Variants in FRMD4A observed in about 807,000 individuals in gnomAD.
FRMD4A encodes the protein FERM domain-containing protein 4A.
In FRMD4A, 29 loss-of-function variants were observed where a neutral mutation model predicts 129.1. That is an observed-to-expected ratio of 0.22 (90% CI 0.17 to 0.31). The LOEUF (loss-of-function observed/expected upper bound fraction) is 0.31, where lower values mean the gene tolerates loss of function less well. Ranked by LOEUF, FRMD4A falls within the 10% of genes least tolerant of loss-of-function variation. FRMD4A has a pLI of 1.00. For synonymous variants in FRMD4A, 634 were observed against 571.6 expected (o/e 1.11, Z -1.56); for missense variants, 1,272 against 1,375.8 (o/e 0.92, Z 1.19).
At chr10:13,970,111 A>T (rs1396149031) in intron 2 of FRMD4A, among the ~76,000 whole-genome samples, 1 of 152,164 alleles carries the variant, frequency 6.6e-6, no homozygotes, top group East Asian at 1.9e-4. Flanking sequence ...ACAGCTTGTC[A>T]TGGGAAATCT....
intron 2 of FRMD4A, among the ~76,000 whole-genome samples, chr10:14,127,956 T>TC: frequency 2.5e-4 from 7 of 27,558 alleles, no homozygotes; most frequent in African/African-American, 1.6e-3. Flanking sequence ...CTTTCTTTCT[T>TC]TCTTTCTTTC....
intron 2 of FRMD4A, among the ~76,000 whole-genome samples, chr10:13,917,546 T>A (rs1301237664): frequency 6.6e-6 from 1 of 152,140 alleles, no homozygotes; most frequent in African/African-American, 2.4e-5. Flanking sequence ...TGCCTTGGCC[T>A]CCCAAAGTGC....
intron 15 of FRMD4A, among the ~76,000 whole-genome samples, chr10:13,688,070 T>C (rs536905815): frequency 6.6e-5 from 10 of 152,280 alleles, no homozygotes; most frequent in African/African-American, 2.4e-4. Flanking sequence ...TCATCTGCCA[T>C]TGAGTCATCT....
chr10:13,731,044 T>A (rs928395520), intron 12 of FRMD4A, among the ~76,000 whole-genome samples: 3 of 150,646 alleles, frequency 2.0e-5, no homozygotes, highest in Admixed American at 6.6e-5. Context: ...AAAAAAAGAT[T>A]TTTTTTTTCT....
chr10:14,143,960 A>G (rs1387777169), intron 2 of FRMD4A, among the ~76,000 whole-genome samples: 2 of 152,168 alleles, frequency 1.3e-5, no homozygotes, highest in South Asian at 2.1e-4. Context: ...ATTTTTTTAC[A>G]TTGAAAAATG....
chr10:13,905,076 C>T (rs2094868002), intron 2 of FRMD4A, among the ~76,000 whole-genome samples: 1 of 151,732 alleles, frequency 6.6e-6, no homozygotes, highest in Non-Finnish European at 1.5e-5. Flanking sequence ...AGGAAGGCAG[C>T]CTTCCTTAAA....
At chr10:13,656,320 A>G (rs1397375745) in intron 22 of FRMD4A, among the ~76,000 whole-genome samples, 2 of 152,128 alleles carry the variant, frequency 1.3e-5, no homozygotes, top group African/African-American at 2.4e-5. Context: ...ACCCAGAGAC[A>G]TTACTTTTAC....
intron 2 of FRMD4A, among the ~76,000 whole-genome samples, chr10:13,977,185 GA>G (rs2095544928): frequency 6.6e-6 from 1 of 152,224 alleles, no homozygotes; most frequent in Non-Finnish European, 1.5e-5. Flanking sequence ...TGGTTTTGTA[GA>G]AAGCAGATTT....
chr10:13,987,360 G>T (rs187082553), intron 2 of FRMD4A, among the ~76,000 whole-genome samples: 170 of 152,102 alleles, frequency 1.1e-3, no homozygotes, highest in African/African-American at 4.0e-3. Context: ...CCATGAAAAA[G>T]TTAAATCGTG....
chr10:13,838,853 G>C (rs1044017014), intron 3 of FRMD4A, among the ~76,000 whole-genome samples: 3 of 152,040 alleles, frequency 2.0e-5, no homozygotes, highest in African/African-American at 7.3e-5. Flanking sequence ...CTGGGAGATG[G>C]GGACATTGCC....
At position 13,821,046 on chromosome 10, in the gene FRMD4A, C is replaced by G. The variant is rs1312803729; in HGVS notation, c.112-10138G>C. Among the ~76,000 whole-genome samples, 1 of 152,220 alleles carries G rather than the reference C, an allele frequency of 6.6e-6. No individual in the cohort carries two copies. The highest frequency in any genetic ancestry group is 1.5e-5 in the Non-Finnish European group (1 of 68,034). On this transcript the variant is annotated intron_variant, in intron 3 of 24. Coordinates refer to ENST00000357447, the MANE Select transcript of FRMD4A (RefSeq NM_018027.5). The surrounding 1 kb of genome is among the most constrained non-coding windows in gnomAD (Gnocchi z 4.3). Reference sequence around the variant, plus strand: ...CTGCCGGGTCTGAAGCCTGGGCTGTCACTGTGTGTCCCTCTCCATCCCCAT... The same window carrying G: ...CTGCCGGGTCTGAAGCCTGGGCTGTGACTGTGTGTCCCTCTCCATCCCCAT...
chr10:13,703,103 T>A (rs2087028706), intron 13 of FRMD4A, among the ~76,000 whole-genome samples: 1 of 152,060 alleles, frequency 6.6e-6, no homozygotes, highest in African/African-American at 2.4e-5. Flanking sequence ...AATGACTTTT[T>A]TTTCCCCCCA....
Position 13,659,361 on chromosome 10 carries a change from G to C in FRMD4A, c.2028C>G (p.Asp676Glu), listed in dbSNP as rs375459843. 6.2e-7 allele frequency: 1 copy of C among 1,614,178 alleles called. No individual in the cohort carries two copies. Among genetic ancestry groups the C allele is most frequent in the Non-Finnish European group, 8.5e-7 (1 of 1,179,982 alleles). ...NSQSSMPSTP[D>E]LRVRSPHYVH... ...CGTAGTGGGGACTCCGGACCCGCAG[G>C]TCTGGCGTGGACGGCATGCTGGACT... Residue 676 changes from aspartate (D) to glutamate (E), a missense_variant, in exon 21 of 25, where the codon GAC (aspartate) becomes GAG (glutamate). Physicochemically the swap from Asp to Glu is conservative, Grantham distance 45. Around this residue, in one of 2 missense-constraint regions of FRMD4A, gnomAD observed 972 missense variants for 892.3 expected, o/e 1.09. Coordinates refer to ENST00000357447, the MANE Select transcript of FRMD4A (RefSeq NM_018027.5).
chr10:14,053,207 A>G (rs930011404), intron 2 of FRMD4A, among the ~76,000 whole-genome samples: 1 of 152,202 alleles, frequency 6.6e-6, no homozygotes, highest in Non-Finnish European at 1.5e-5. Context: ...TGTGAGGAAA[A>G]GAGGTCATAC....
rs532206605 is a variant in FRMD4A, at chr10:14,326,766, A to C, written c.45+3292T>G. 1.1e-4 allele frequency: 43 copies of C among 398,322 alleles called. No individual in the cohort carries two copies. In the East Asian group the frequency reaches 1.5e-3, roughly 14 times the overall value. 24.7% of individuals were successfully genotyped at this position (398,322 alleles called of 1,614,324 possible). ...TTCCCTGAACTCACACGCCCTCAAC[A>C]AATGACACGTAGCCAAGAGCTTCCC... is the stretch of plus-strand genomic sequence containing the variant. On this transcript the variant is annotated intron_variant, in intron 2 of 24. Coordinates refer to ENST00000357447, the MANE Select transcript of FRMD4A (RefSeq NM_018027.5).
At chr10:14,238,292 T>A (rs147549187) in intron 2 of FRMD4A, among the ~76,000 whole-genome samples, 1 of 152,172 alleles carries the variant, frequency 6.6e-6, no homozygotes, top group African/African-American at 2.4e-5. Context: ...ATTAAATAGC[T>A]TGTCTAAAAT....
chr10:14,007,004 A>T (rs1009367838), intron 2 of FRMD4A, among the ~76,000 whole-genome samples: 6 of 152,282 alleles, frequency 3.9e-5, no homozygotes, highest in African/African-American at 1.4e-4. Flanking sequence ...ACCCGACCTA[A>T]GTATTTAGTT....
chr10:13,831,559 C>G (rs2093790842), intron 3 of FRMD4A, among the ~76,000 whole-genome samples: 1 of 152,202 alleles, frequency 6.6e-6, no homozygotes, highest in Non-Finnish European at 1.5e-5. Context: ...GATCAGGACC[C>G]AGTAGCTTCA....
intron 3 of FRMD4A, among the ~76,000 whole-genome samples, chr10:13,840,083 G>A (rs965513397): frequency 2.6e-5 from 4 of 152,186 alleles, no homozygotes; most frequent in African/African-American, 7.2e-5. Context: ...TCATTTGCTC[G>A]AGGTCACTGT....
Sources: gnomAD v4.1 joint callset for allele counts (sites outside exome capture counted in the v4.1 genomes callset) on GRCh38, gnomAD v4.1.1 for gene constraint, gnomAD v4.1.1 regional missense constraint, Gnocchi (gnomAD v3.1) non-coding constraint, MANE v1.5 for transcripts, NCBI Gene and HGNC (gene_info 2026-07-23, HGNC 2026-07-21) for gene names.